The following SYN2 variants were observed in gnomAD, a reference collection of about 807,000 sequenced individuals.
SYN2 encodes synapsin II.
In SYN2, 19 loss-of-function variants were observed where a neutral mutation model predicts 50.9. The ratio of observed to expected loss-of-function variants is 0.37; its 90% confidence interval spans 0.26 to 0.55. The LOEUF is 0.55. SYN2 is among the 20% of genes least tolerant of loss of function. The pLI, the probability that SYN2 is intolerant of heterozygous loss-of-function variation, is 0.81. For synonymous variants in SYN2, 255 were observed against 224.9 expected (o/e 1.13, Z -1.20); for missense variants, 587 against 576.4 (o/e 1.02, Z -0.19).
chr3:12,147,195 G>A (rs1211342876), intron 4 of SYN2, among the ~76,000 whole-genome samples: 1 of 137,428 alleles, frequency 7.3e-6, no homozygotes, highest in Non-Finnish European at 1.7e-5. Flanking sequence ...AGGGGTGTGT[G>A]TGTGTGTGTA....
chr3:12,101,296 A>T (rs1214265626), intron 1 of SYN2, among the ~76,000 whole-genome samples: 1 of 152,204 alleles, frequency 6.6e-6, no homozygotes, highest in African/African-American at 2.4e-5. Flanking sequence ...GAATATTAGT[A>T]TTCAACCAGA....
At chr3:12,154,285 T>A (rs373085063) in intron 5 of SYN2, 36 of 1,613,490 alleles carry the variant, frequency 2.2e-5, no homozygotes, top group Non-Finnish European at 2.9e-5. Flanking sequence ...CTCAGAACCC[T>A]TCCCCCATCC....
chr3:12,167,810 T>A (rs564203406), intron 8 of SYN2, among the ~76,000 whole-genome samples: 1 of 152,200 alleles, frequency 6.6e-6, no homozygotes, highest in South Asian at 2.1e-4. Context: ...AGAGACTGGT[T>A]AAGTGGTTGT....
intron 1 of SYN2, among the ~76,000 whole-genome samples, chr3:12,122,319 A>G (rs370799737): frequency 1.1e-4 from 17 of 152,294 alleles, no homozygotes; most frequent in African/African-American, 4.1e-4. Flanking sequence ...AAAAATAACA[A>G]CATTCTTTGA....
intron 10 of SYN2, among the ~76,000 whole-genome samples, chr3:12,178,074 G>A (rs562227010): frequency 1.3e-5 from 2 of 152,310 alleles, no homozygotes; most frequent in East Asian, 1.9e-4. Flanking sequence ...CCTTTGCACC[G>A]ACTAAACCTA....
At chr3:12,068,546 T>A (rs1357696582) in intron 1 of SYN2, among the ~76,000 whole-genome samples, 1 of 152,252 alleles carries the variant, frequency 6.6e-6, no homozygotes, top group East Asian at 1.9e-4. Flanking sequence ...AATTCTGAGA[T>A]ATTTTCTTGA....
intron 1 of SYN2, among the ~76,000 whole-genome samples, chr3:12,005,347 C>G (rs777718968): frequency 6.6e-6 from 1 of 152,014 alleles, no homozygotes; most frequent in Non-Finnish European, 1.5e-5. Flanking sequence ...CTTCATGAAG[C>G]ACGGAGTGAA....
At chr3:12,077,086 G>C (rs1695482029) in intron 1 of SYN2, among the ~76,000 whole-genome samples, 1 of 152,064 alleles carries the variant, frequency 6.6e-6, no homozygotes, top group African/African-American at 2.4e-5. Flanking sequence ...GTGCAGGTTT[G>C]CGATGGGGCA....
At chr3:12,188,120 TC>T (rs1187596141) in intron 12 of SYN2, among the ~76,000 whole-genome samples, 2 of 152,232 alleles carry the variant, frequency 1.3e-5, no homozygotes, top group Non-Finnish European at 2.9e-5. Flanking sequence ...AGTAGTTAAA[TC>T]CATTTCAACA....
chr3:12,014,917 G>A (rs554245809), intron 1 of SYN2, among the ~76,000 whole-genome samples: 2 of 152,284 alleles, frequency 1.3e-5, no homozygotes, highest in Admixed American at 1.3e-4. Flanking sequence ...ATTGTAAACA[G>A]TTTACTAATG....
chr3:12,115,770 C>G (rs1057167439), intron 1 of SYN2, among the ~76,000 whole-genome samples: 1 of 152,056 alleles, frequency 6.6e-6, no homozygotes, highest in African/African-American at 2.4e-5. Flanking sequence ...CAGAATATAA[C>G]TATATTTTCC....
chr3:12,053,739 TAATTTTTGTAAACCTCAATTAA>T (rs1457695842), intron 1 of SYN2, among the ~76,000 whole-genome samples: 4 of 152,208 alleles, frequency 2.6e-5, no homozygotes, highest in African/African-American at 7.2e-5. Flanking sequence ...AAATTGAGAA[TAATTTTTGTAAACCTCAATTAA>T]AATTTTTGTA....
At chr3:12,183,223 C>G in intron 10 of SYN2, 89 bp from the exon 11 acceptor site, 1 of 1,501,228 alleles carries the variant, frequency 6.7e-7, no homozygotes, top group Non-Finnish European at 8.9e-7. Flanking sequence ...CCGGATTCCA[C>G]TGCGGCCTTG....
intron 1 of SYN2, among the ~76,000 whole-genome samples, chr3:12,115,437 A>G (rs1696411513): frequency 6.6e-6 from 1 of 152,212 alleles, no homozygotes; most frequent in African/African-American, 2.4e-5. Context: ...GAACAGTTTC[A>G]ACCCTCGTAT....
chr3:12,121,954 C>G (rs1696570111), intron 1 of SYN2, among the ~76,000 whole-genome samples: 1 of 152,082 alleles, frequency 6.6e-6, no homozygotes, highest in South Asian at 2.1e-4. Flanking sequence ...GGCAGAATTC[C>G]TTCTTCTCTG....
chr3:12,186,839 A>G (rs757142473), intron 11 of SYN2, among the ~76,000 whole-genome samples: 32 of 152,178 alleles, frequency 2.1e-4, no homozygotes, highest in Non-Finnish European at 3.7e-4. Context: ...CTTAAAAGAC[A>G]ACTAAGACCA....
chr3:12,079,309 A>G (rs1695537455), intron 1 of SYN2, among the ~76,000 whole-genome samples: 1 of 152,232 alleles, frequency 6.6e-6, no homozygotes, highest in South Asian at 2.1e-4. Flanking sequence ...CTCTTGCCTG[A>G]TTGCCCTGGC....
intron 1 of SYN2, among the ~76,000 whole-genome samples, chr3:12,131,475 C>G (rs545440218): frequency 3.3e-5 from 5 of 152,164 alleles, no homozygotes; most frequent in African/African-American, 1.2e-4. Flanking sequence ...TCAAAGCAAA[C>G]TTGATAACTG....
intron 1 of SYN2, among the ~76,000 whole-genome samples, chr3:12,041,185 A>T (rs1321430643): frequency 6.6e-6 from 1 of 152,128 alleles, no homozygotes; most frequent in Non-Finnish European, 1.5e-5. Context: ...AAGCTGCCGG[A>T]TCATGGTATC....
Sources: gnomAD v4.1 joint callset for allele counts (sites outside exome capture counted in the v4.1 genomes callset) on GRCh38, gnomAD v4.1.1 for gene constraint, MANE v1.5 for transcripts, NCBI Gene and HGNC (gene_info 2026-07-23, HGNC 2026-07-21) for gene names.